Variants in GARRE1 observed in about 807,000 individuals in gnomAD.
GARRE1 encodes the protein granule associated Rac and RHOG effector 1.
GARRE1 carries 49 observed loss-of-function variants against 103.2 expected under a neutral mutation model. The ratio of observed to expected loss-of-function variants is 0.47; its 90% confidence interval spans 0.38 to 0.60. GARRE1 has a LOEUF of 0.60. Ranked by LOEUF, GARRE1 falls within the 20% of genes least tolerant of loss-of-function variation. The pLI is 0.00. For synonymous variants in GARRE1, 505 were observed against 532.8 expected, an observed-to-expected ratio of 0.95 and a Z score of 0.72; for missense variants, 1,199 against 1,370.5, an observed-to-expected ratio of 0.87 and a Z score of 1.98.
rs891262689 is a variant in GARRE1 at position 34,259,666 on chromosome 19, G to T, written c.-796+5052G>T. Among the ~76,000 whole-genome samples, 206 of 150,530 alleles carry T rather than the reference G, an allele frequency of 1.4e-3. 3 individuals are homozygous for T. Among genetic ancestry groups the T allele is most frequent in the South Asian group, 4.8e-3 (23 of 4,760 alleles). ...GGAAATGATGAAGTTTTTTTTGTTTGTTTGTTTGTTTGTTTTGTATTTCAT... is the reference window on the plus strand; with the variant it reads ...GGAAATGATGAAGTTTTTTTTGTTTTTTTGTTTGTTTGTTTTGTATTTCAT... On this transcript the variant is annotated intron_variant, in intron 1 of 13. Transcript: ENST00000299505.
In GARRE1 at chr19:34,347,971, C is replaced by T. The variant is rs1312788208; in HGVS notation, c.2616C>T (p.Asn872=). The part of the protein sequence containing the change: ...RQAQHGRRPG[N]PRGNWPPMDD... ...CCCAGCACGGTCGCCGGCCAGGCAA[C>T]CCCCGGGGCAACTGGCCGCCTATGG... The change falls in exon 11 of 14, where the codon AAC becomes AAT. Residue 872 remains asparagine (N), a synonymous_variant. Coordinates refer to ENST00000299505, the MANE Select transcript of GARRE1 (RefSeq NM_014686.5). 5.1e-6 allele frequency: 8 copies of T among 1,583,636 alleles called. No homozygotes were observed. The highest frequency in any genetic ancestry group is 6.9e-6 in the Non-Finnish European group (8 of 1,163,156).
At chr19:34,258,559 C>T (rs997840163) in intron 1 of GARRE1, among the ~76,000 whole-genome samples, 3 of 151,582 alleles carry the variant, frequency 2.0e-5, no homozygotes, top group African/African-American at 4.8e-5. Flanking sequence ...CCGAGGTGAG[C>T]GGATCACGAG....
chr19:34,348,168 G>C, intron 11 of GARRE1, 126 bp downstream of exon 11: 1 of 796,792 alleles, frequency 1.3e-6, no homozygotes. Flanking sequence ...GCCCCCATGT[G>C]AGAGAGTGAC....
intron 1 of GARRE1, among the ~76,000 whole-genome samples, chr19:34,283,630 T>C (rs1004852677): frequency 3.9e-5 from 6 of 152,158 alleles, no homozygotes; most frequent in Non-Finnish European, 2.9e-5. Context: ...AAGGTCAAGC[T>C]GATCCTGACA....
At chr19:34,294,719 T>G (rs1254380546) in intron 1 of GARRE1, among the ~76,000 whole-genome samples, 1 of 152,162 alleles carries the variant, frequency 6.6e-6, no homozygotes, top group African/African-American at 2.4e-5. Flanking sequence ...TTTATTATTA[T>G]TTTCAGACAG....
intron 2 of GARRE1, among the ~76,000 whole-genome samples, chr19:34,317,517 C>A (rs935873786): frequency 1.3e-5 from 2 of 152,270 alleles, no homozygotes; most frequent in Admixed American, 6.5e-5. Flanking sequence ...GCTCACTCCC[C>A]CTCCCTGTGT....
intron 11 of GARRE1, 119 bp downstream of exon 11, chr19:34,348,161 C>G (rs1330764518): frequency 2.3e-6 from 2 of 875,760 alleles, no homozygotes; most frequent in Non-Finnish European, 3.1e-6. Context: ...ATTCCAAGCC[C>G]CCATGTGAGA....
intron 2 of GARRE1, among the ~76,000 whole-genome samples, chr19:34,307,298 T>A (rs1312960017): frequency 6.6e-6 from 1 of 152,098 alleles, no homozygotes; most frequent in Non-Finnish European, 1.5e-5. Context: ...TCCCCTTGCC[T>A]TCTTCATACT....
chr19:34,301,068 CT>C (rs1268423078), intron 2 of GARRE1, 100 bp downstream of exon 2: 2 of 1,233,136 alleles, frequency 1.6e-6, no homozygotes, highest in Non-Finnish European at 2.2e-6. Context: ...TAATAGTAGC[CT>C]TTGTCCTCTT....
At chr19:34,309,528 G>T in intron 2 of GARRE1, among the ~76,000 whole-genome samples, 1 of 152,144 alleles carries the variant, frequency 6.6e-6, no homozygotes, top group Non-Finnish European at 1.5e-5. Context: ...ACAGGATCTT[G>T]CTGTGTTGCC....
intron 1 of GARRE1, among the ~76,000 whole-genome samples, chr19:34,278,444 CAAAAA>C (rs71165640): frequency 7.0e-5 from 4 of 57,102 alleles, no homozygotes; most frequent in Non-Finnish European, 9.9e-5. Flanking sequence ...GACTCCATCT[CAAAAA>C]AAAAAAAAAA....
At chr19:34,269,204 T>C (rs1431845952) in intron 1 of GARRE1, among the ~76,000 whole-genome samples, 1 of 152,314 alleles carries the variant, frequency 6.6e-6, no homozygotes, top group East Asian at 1.9e-4. Flanking sequence ...TGGTGGTAAA[T>C]TGTTACAGAG....
At position 34,329,391 on chromosome 19, in the gene GARRE1, A is replaced by T. The variant is rs528272480; in HGVS notation, c.1105-798A>T. 4.6e-5 allele frequency among the ~76,000 whole-genome samples: 7 copies of T among 152,360 alleles called. No individual in the cohort carries two copies. In the East Asian group the frequency reaches 1.3e-3, roughly 29 times the overall value. ...CCAGTTCACATCAGTAGATTGCTAAATAATTTTGTGCTAGTATAGAAATAC... is the reference window on the plus strand; with the variant it reads ...CCAGTTCACATCAGTAGATTGCTAATTAATTTTGTGCTAGTATAGAAATAC... On this transcript the variant is annotated intron_variant, in intron 6 of 13. Transcript: ENST00000299505.
intron 2 of GARRE1, among the ~76,000 whole-genome samples, chr19:34,307,728 A>T (rs1219533866): frequency 8.6e-5 from 12 of 138,846 alleles, no homozygotes; most frequent in African/African-American, 3.1e-4. Context: ...CTATATATAC[A>T]TATATACTTA....
At chr19:34,311,002 GC>G (rs551823611) in intron 2 of GARRE1, among the ~76,000 whole-genome samples, 2 of 147,546 alleles carry the variant, frequency 1.4e-5, no homozygotes, top group Non-Finnish European at 1.5e-5. Flanking sequence ...TTCTGCCCCC[GC>G]CCCCCCGCAA....
At chr19:34,302,821 T>TC in intron 2 of GARRE1, among the ~76,000 whole-genome samples, 1 of 149,184 alleles carries the variant, frequency 6.7e-6, no homozygotes, top group East Asian at 2.1e-4. Flanking sequence ...CTCGGCTCAC[T>TC]GCAACCTCTG....
chr19:34,272,542 G>T (rs887774016), intron 1 of GARRE1, among the ~76,000 whole-genome samples: 11 of 152,166 alleles, frequency 7.2e-5, no homozygotes, highest in African/African-American at 2.7e-4. Flanking sequence ...ATGTCTCCTG[G>T]GTCTGGTCCT....
At position 34,330,326 on chromosome 19, in the gene GARRE1, G is replaced by C; in HGVS notation, c.1242G>C (p.Leu414=). ...GTGCCTGCAAGACGGCGGTGCAGCT[G>C]CTGTTTGGCCAGGCTGGACTGGTGA... The part of the protein sequence containing the change: ...WRGACKTAVQ[L]LFGQAGLVVV... Residue 414 remains leucine, a synonymous_variant, in exon 7 of 14, where the codon CTG becomes CTC. Coordinates refer to ENST00000299505, the MANE Select transcript of GARRE1 (RefSeq NM_014686.5). 1 of 1,614,236 alleles carries C rather than the reference G, an allele frequency of 6.2e-7. No individual in the cohort carries two copies. The highest frequency in any genetic ancestry group is 1.1e-5 in the South Asian group (1 of 91,082).
intron 1 of GARRE1, among the ~76,000 whole-genome samples, chr19:34,278,446 A>C (rs1197595842): frequency 7.4e-4 from 10 of 13,588 alleles, no homozygotes; most frequent in Non-Finnish European, 1.6e-3. Context: ...CTCCATCTCA[A>C]AAAAAAAAAA....
Sources: gnomAD v4.1 joint callset for allele counts (sites outside exome capture counted in the v4.1 genomes callset) on GRCh38, gnomAD v4.1.1 for gene constraint, MANE v1.5 for transcripts, NCBI Gene and HGNC (gene_info 2026-07-23, HGNC 2026-07-21) for gene names.